Variants in SMAP2 observed in about 807,000 individuals in gnomAD.
SMAP2 encodes the protein small ArfGAP2, also known as stromal membrane-associated protein 2.
In SMAP2, 25 loss-of-function variants were observed where a neutral mutation model predicts 56.4. That is an observed-to-expected ratio of 0.44 (90% CI 0.32 to 0.62). SMAP2 has a LOEUF of 0.62. Ranked by LOEUF, SMAP2 falls within the 20% of genes least tolerant of loss-of-function variation. SMAP2 has a pLI of 0.04. For missense variants in SMAP2, 388 were observed against 545.6 expected (o/e 0.71, Z 2.88); for synonymous variants, 157 against 181.7 (o/e 0.86, Z 1.09).
At chr1:40,399,024 T>C (rs1314025399) in intron 1 of SMAP2, among the ~76,000 whole-genome samples, 1 of 152,220 alleles carries the variant, frequency 6.6e-6, no homozygotes, top group Non-Finnish European at 1.5e-5. Context: ...GCACAGTGGC[T>C]CACTCCTGTA....
chr1:40,409,956 A>T (rs1214224896), intron 4 of SMAP2, 121 bp downstream of exon 4: 4 of 673,290 alleles, frequency 5.9e-6, no homozygotes, highest in Non-Finnish European at 1.0e-5. Flanking sequence ...AAAAATGCAA[A>T]AGTAGACCAG....
chr1:40,397,464 C>T (rs1644783447), intron 1 of SMAP2, among the ~76,000 whole-genome samples: 1 of 152,154 alleles, frequency 6.6e-6, no homozygotes, highest in Non-Finnish European at 1.5e-5. Flanking sequence ...GCCAGTTCTG[C>T]TTTTGAAGCC....
chr1:40,382,825 C>T (rs1644612038), intron 1 of SMAP2, among the ~76,000 whole-genome samples: 1 of 152,226 alleles, frequency 6.6e-6, no homozygotes, highest in African/African-American at 2.4e-5. Context: ...GCACCTAGAA[C>T]AGTGCTTGGC....
intron 2 of SMAP2, among the ~76,000 whole-genome samples, chr1:40,365,557 C>A (rs999545374): frequency 2.6e-5 from 4 of 152,164 alleles, no homozygotes; most frequent in Non-Finnish European, 5.9e-5. Flanking sequence ...CGAATAGGAA[C>A]AGCTCCGGTC....
At chr1:40,394,956 C>T (rs1002818308) in intron 1 of SMAP2, among the ~76,000 whole-genome samples, 1 of 152,098 alleles carries the variant, frequency 6.6e-6, no homozygotes, top group Admixed American at 6.5e-5. Flanking sequence ...TCAGATTCCT[C>T]TGTGAGTCAG....
At chr1:40,348,141 A>T (rs1569811032) in intron 1 of SMAP2, among the ~76,000 whole-genome samples, 2 of 152,286 alleles carry the variant, frequency 1.3e-5, no homozygotes, top group African/African-American at 4.8e-5. Flanking sequence ...TACAAAAGAA[A>T]AATAATTTTT....
chr1:40,400,887 T>G (rs1644826797), intron 1 of SMAP2, among the ~76,000 whole-genome samples: 1 of 152,188 alleles, frequency 6.6e-6, no homozygotes, highest in African/African-American at 2.4e-5. Flanking sequence ...AATCTCATCC[T>G]TATTTTCTCT....
chr1:40,395,596 A>G (rs1474251123), intron 1 of SMAP2, among the ~76,000 whole-genome samples: 2 of 31,076 alleles, frequency 6.4e-5, no homozygotes, highest in East Asian at 2.6e-3. Flanking sequence ...AGAGTAGTTT[A>G]ATGAATTTTT....
chr1:40,363,787 G>A (rs995706106), intron 2 of SMAP2, among the ~76,000 whole-genome samples: 6 of 152,138 alleles, frequency 3.9e-5, no homozygotes, highest in Non-Finnish European at 5.9e-5. Context: ...TGGTGTGCTT[G>A]GGGGAAGGAG....
chr1:40,373,185 G>C (rs570680581), upstream of SMAP2, among the ~76,000 whole-genome samples: 1 of 152,318 alleles, frequency 6.6e-6, no homozygotes, highest in South Asian at 2.1e-4. Flanking sequence ...AGGAGTCACA[G>C]AGGAGAGCTA....
intron 1 of SMAP2, among the ~76,000 whole-genome samples, chr1:40,395,688 G>C (rs1353071053): frequency 6.6e-6 from 1 of 152,142 alleles, no homozygotes; most frequent in Admixed American, 6.5e-5. Context: ...AGTCACACAG[G>C]AAATTAGTGC....
At chr1:40,350,542 A>G (rs1644405830) in intron 1 of SMAP2, among the ~76,000 whole-genome samples, 1 of 152,204 alleles carries the variant, frequency 6.6e-6, no homozygotes, top group Admixed American at 6.5e-5. Context: ...AAACTGTATT[A>G]CTGGTGCAAA....
chr1:40,385,985 C>G lies in SMAP2; in HGVS notation c.103+11762C>G, dbSNP rs141043612. On this transcript the variant is annotated intron_variant, in intron 1 of 9. Coordinates refer to ENST00000372718, the MANE Select transcript of SMAP2 (RefSeq NM_022733.3). This position sits in a 1 kb window ranked among gnomAD's most constrained non-coding sequence, Gnocchi z 4.5. ...TGTTCTGTGCCTTCAAAAATAATTTCTTACAGAATTTTCTGTGTGAACTGG... is the reference window on the plus strand; with the variant it reads ...TGTTCTGTGCCTTCAAAAATAATTTGTTACAGAATTTTCTGTGTGAACTGG... 2.4e-3 allele frequency among the ~76,000 whole-genome samples: 358 copies of G among 152,310 alleles called. No individual in the cohort carries two copies. Among genetic ancestry groups the G allele is most frequent in the Non-Finnish European group, 4.4e-3 (302 of 68,020 alleles).
chr1:40,362,692 C>T (rs955616814), intron 2 of SMAP2, among the ~76,000 whole-genome samples: 1 of 152,120 alleles, frequency 6.6e-6, no homozygotes, highest in Non-Finnish European at 1.5e-5. Context: ...TTGATATGCT[C>T]TGGTGTGGGG....
Position 40,374,106 on chromosome 1 carries a change from G to T in SMAP2, c.-15G>T, listed in dbSNP as rs762302391. ...GGAGGGCGCGTCGCCCTCTGCCCCC[G>T]CCGGCACCCTGGCCATGACAGGCAA... On this transcript the variant is annotated 5_prime_UTR_variant, in exon 1 of 10. Coordinates refer to ENST00000372718, the MANE Select transcript of SMAP2 (RefSeq NM_022733.3). The surrounding 1 kb of genome is among the most constrained non-coding windows in gnomAD (Gnocchi z 5.9). 1.9e-6 allele frequency: 3 copies of T among 1,604,830 alleles called. No homozygotes were observed. Among genetic ancestry groups the T allele is most frequent in the Admixed American group, 1.7e-5 (1 of 58,820 alleles).
intron 9 of SMAP2, among the ~76,000 whole-genome samples, chr1:40,419,361 A>G (rs1569932157): frequency 6.6e-6 from 1 of 150,648 alleles, no homozygotes; most frequent in African/African-American, 2.4e-5. Flanking sequence ...GCTCACTGCA[A>G]CCTCCGCCTC....
intron 1 of SMAP2, chr1:40,362,219 G>A (rs1300029986): frequency 6.6e-6 from 1 of 152,222 alleles, no homozygotes; most frequent in Non-Finnish European, 1.5e-5. Context: ...AGAAAGCAGA[G>A]AAAATAAATA....
chr1:40,373,304 A>C (rs176627), upstream of SMAP2, among the ~76,000 whole-genome samples: 56,908 of 151,960 alleles, frequency 0.37, 11,033 homozygotes, highest in Non-Finnish European at 0.43. Context: ...TTGGACTCTT[A>C]TATTTGGCTG....
At chr1:40,409,618 A>G in intron 3 of SMAP2, 139 bp from the exon 4 acceptor site, 4 of 618,298 alleles carry the variant, frequency 6.5e-6, no homozygotes, top group Non-Finnish European at 1.2e-5. Flanking sequence ...GAGAAATTGC[A>G]TATGAAGAGG....
Sources: allele counts gnomAD v4.1 joint callset (sites outside exome capture counted in the v4.1 genomes callset), GRCh38; gene constraint gnomAD v4.1.1; non-coding constraint Gnocchi (gnomAD v3.1); transcripts MANE v1.5; gene names NCBI Gene and HGNC (gene_info 2026-07-23, HGNC 2026-07-21).